SORCS3: variants seen among roughly 807,000 people sequenced by gnomAD.
SORCS3 encodes VPS10 domain-containing receptor SorCS3.
In SORCS3, 57 loss-of-function variants were observed where a neutral mutation model predicts 146.3. The ratio of observed to expected loss-of-function variants is 0.39; its 90% CI spans 0.31 to 0.49. The LOEUF is 0.49. Among genes scored for constraint, SORCS3 ranks in the 20% least tolerant of loss-of-function variants. SORCS3 has a pLI of 0.92. For missense variants in SORCS3, 1,341 were observed against 1,575.5 expected (o/e 0.85, Z 2.52); for synonymous variants, 653 against 618.5 (o/e 1.06, Z -0.83).
intron 1 of SORCS3, among the ~76,000 whole-genome samples, chr10:104,689,251 A>G (rs1035653781): frequency 2.0e-5 from 3 of 152,194 alleles, no homozygotes; most frequent in Admixed American, 1.3e-4. Flanking sequence ...TGACTCAGCA[A>G]GATCCAGTCA....
intron 5 of SORCS3, among the ~76,000 whole-genome samples, chr10:105,061,076 A>G (rs1249516658): frequency 6.6e-6 from 1 of 152,232 alleles, no homozygotes; most frequent in African/African-American, 2.4e-5. Context: ...AAACAAATTC[A>G]CAAGTTATGG....
rs948303147 is a variant in SORCS3 at position 104,890,709 on chromosome 10, T to C, written c.696-25124T>C. Among the ~76,000 whole-genome samples the C allele has an allele frequency of 3.3e-5, 5 of 152,236 alleles. No individual in the cohort carries two copies. The East Asian group carries it at 9.6e-4, about 29-fold the overall frequency. On this transcript the variant is annotated intron_variant, in intron 2 of 26. Coordinates refer to ENST00000369701, the MANE Select transcript of SORCS3 (RefSeq NM_014978.3). ...GTAAGTTTTGTCAACATTGGTAATATTGACATTTTTCAGTGGCTAATAATT... is the reference window on the plus strand; with the variant it reads ...GTAAGTTTTGTCAACATTGGTAATACTGACATTTTTCAGTGGCTAATAATT...
intron 20 of SORCS3, among the ~76,000 whole-genome samples, chr10:105,226,714 G>A (rs1343222687): frequency 2.0e-5 from 3 of 151,426 alleles, no homozygotes; most frequent in Non-Finnish European, 4.4e-5. Context: ...GAGACTTTTT[G>A]TTACTAATTA....
chr10:105,157,941 C>A (rs969339734), intron 10 of SORCS3, among the ~76,000 whole-genome samples: 4 of 152,196 alleles, frequency 2.6e-5, no homozygotes, highest in African/African-American at 7.2e-5. Flanking sequence ...TTCTTCTGAG[C>A]AAAAAGTTTC....
Position 105,248,819 on chromosome 10 carries a change from A to G in SORCS3, c.3105+1488A>G, listed in dbSNP as rs1040598453. On this transcript the variant is annotated intron_variant, in intron 22 of 26. Transcript: ENST00000369701. ...CAAGTGCAGCTAAAATTGAGCTAGG[A>G]TGGTTATGTCATATTGTGTAGGGTT... 3.9e-5 allele frequency among the ~76,000 whole-genome samples: 6 copies of G among 152,038 alleles called. No individual in the cohort carries two copies. In the South Asian group the frequency reaches 6.2e-4, roughly 16 times the overall value.
chr10:104,864,213 T>C (rs2018435386), intron 2 of SORCS3, among the ~76,000 whole-genome samples: 3 of 152,160 alleles, frequency 2.0e-5, no homozygotes, highest in African/African-American at 7.2e-5. Flanking sequence ...CCCAGAGGTG[T>C]CAGAAATTGT....
intron 1 of SORCS3, among the ~76,000 whole-genome samples, chr10:104,791,354 C>T (rs992862727): frequency 6.6e-6 from 1 of 152,156 alleles, no homozygotes; most frequent in Non-Finnish European, 1.5e-5. Context: ...CGACAAACAG[C>T]CTTTCCTTTT....
chr10:105,250,011 G>A (rs1338558519), intron 22 of SORCS3, among the ~76,000 whole-genome samples: 2 of 152,202 alleles, frequency 1.3e-5, no homozygotes, highest in East Asian at 1.9e-4. Flanking sequence ...CAACAGAAGT[G>A]TATTTCTCAT....
intron 3 of SORCS3, among the ~76,000 whole-genome samples, chr10:104,918,480 C>T (rs2019055323): frequency 6.6e-6 from 1 of 152,202 alleles, no homozygotes; most frequent in Non-Finnish European, 1.5e-5. Context: ...TGAATTAAAG[C>T]TTGGTGCCAT....
chr10:104,989,549 G>C (rs1014626124), intron 4 of SORCS3, among the ~76,000 whole-genome samples: 2 of 152,190 alleles, frequency 1.3e-5, no homozygotes, highest in African/African-American at 4.8e-5. Flanking sequence ...AAGGGAGGAA[G>C]TAGTAGGTGG....
chr10:105,263,313 G>A lies in SORCS3; in HGVS notation c.3608G>A (p.Gly1203Asp), dbSNP rs761860983. The A allele has an allele frequency of 1.2e-6, 2 of 1,613,842 alleles. No individual in the cohort carries two copies. Among genetic ancestry groups the A allele is most frequent in the African/African-American group, 1.3e-5 (1 of 74,928 alleles). Residue 1203 changes from glycine to aspartate, a missense_variant, in exon 27 of 27, where the codon GGC (glycine) becomes GAC (aspartate). By Grantham distance (94) the Gly-to-Asp change is moderately conservative (BLOSUM62 -1). Transcript: ENST00000369701. ...CTGTGTCTTCTCTTCTCTGCAGGAGGCATTGCCACTATTGCAAACAGCGAA... is the reference window on the plus strand; with the variant it reads ...CTGTGTCTTCTCTTCTCTGCAGGAGACATTGCCACTATTGCAAACAGCGAA... ...DKELDTRVIG[G>D]IATIANSEST...
intron 4 of SORCS3, among the ~76,000 whole-genome samples, chr10:104,983,501 T>A (rs1173147353): frequency 6.6e-6 from 1 of 152,156 alleles, no homozygotes; most frequent in Admixed American, 6.5e-5. Context: ...TATGTTCCCA[T>A]GATAGAAATT....
chr10:104,772,203 C>G (rs958735944), intron 1 of SORCS3, among the ~76,000 whole-genome samples: 2 of 150,354 alleles, frequency 1.3e-5, no homozygotes, highest in African/African-American at 4.9e-5. Context: ...AACTCTGCTT[C>G]TAGGGGACTG....
At chr10:105,098,648 A>T (rs1258530160) in intron 6 of SORCS3, among the ~76,000 whole-genome samples, 1 of 152,202 alleles carries the variant, frequency 6.6e-6, no homozygotes, top group East Asian at 1.9e-4. Flanking sequence ...TAACAGGGAA[A>T]TGATAATAAT....
At chr10:104,673,093 G>A (rs2015874133) in intron 1 of SORCS3, among the ~76,000 whole-genome samples, 1 of 151,696 alleles carries the variant, frequency 6.6e-6, no homozygotes, top group African/African-American at 2.4e-5. Flanking sequence ...TTTGGTTAAT[G>A]TTTGCATGGA....
Position 104,960,520 on chromosome 10 carries a change from G to A in SORCS3, c.796-16815G>A, listed in dbSNP as rs144281054. Among the ~76,000 whole-genome samples the A allele has an allele frequency of 5.7e-3, 873 of 152,122 alleles. 4 individuals are homozygous for A. The highest frequency in any genetic ancestry group is 7.9e-3 in the Non-Finnish European group (539 of 68,006). On this transcript the variant is annotated intron_variant, in intron 3 of 26. Transcript: ENST00000369701. ...GGCACAGGGTATCACATGGCAAGGG[G>A]GACTGAGCACACCAACATGCTATGC...
chr10:104,724,067 G>C (rs1252851653), intron 1 of SORCS3, among the ~76,000 whole-genome samples: 1 of 152,124 alleles, frequency 6.6e-6, no homozygotes, highest in Non-Finnish European at 1.5e-5. Context: ...TTTCTTCCTA[G>C]CCTCAATGGT....
intron 1 of SORCS3, among the ~76,000 whole-genome samples, chr10:104,828,285 A>G (rs1460552039): frequency 6.6e-6 from 1 of 152,054 alleles, no homozygotes; most frequent in East Asian, 1.9e-4. Context: ...TTACTCAAAC[A>G]CTTAGAGGCC....
At chr10:105,072,685 T>C (rs1453217198) in intron 5 of SORCS3, among the ~76,000 whole-genome samples, 1 of 109,654 alleles carries the variant, frequency 9.1e-6, no homozygotes, top group Non-Finnish European at 1.8e-5. Flanking sequence ...TTTTTTTTTT[T>C]TGGTGGTGAG....
Sources: allele counts gnomAD v4.1 joint callset (sites outside exome capture counted in the v4.1 genomes callset), GRCh38; gene constraint gnomAD v4.1.1; transcripts MANE v1.5; gene names NCBI Gene and HGNC (gene_info 2026-07-23, HGNC 2026-07-21).